SLC22A15: variants seen among roughly 807,000 people sequenced by gnomAD.
SLC22A15 encodes flipt 1.
Under a neutral mutation model 62.7 loss-of-function variants are expected in SLC22A15, and 45 were observed. The observed-to-expected ratio is 0.72, with a 90% CI of 0.56 to 0.92. The LOEUF (loss-of-function observed/expected upper bound fraction) is 0.92, where lower values mean the gene tolerates loss of function less well. SLC22A15 is among the 40% of genes least tolerant of loss of function. The pLI is 0.00. For missense variants in SLC22A15, 622 were observed against 665.6 expected (o/e 0.93, Z 0.72); for synonymous variants, 264 against 267.0 (o/e 0.99, Z 0.11).
chr1:116,004,357 G>C (rs1655874983), intron 2 of SLC22A15, among the ~76,000 whole-genome samples: 1 of 152,092 alleles, frequency 6.6e-6, no homozygotes, highest in Admixed American at 6.6e-5. Context: ...GTTCTAGTCG[G>C]CCATCTTGCT....
intron 1 of SLC22A15, 97 bp downstream of exon 1, chr1:115,976,811 G>A: frequency 1.0e-6 from 1 of 966,628 alleles, no homozygotes; most frequent in Non-Finnish European, 1.5e-6. Context: ...CGGGGCCGAG[G>A]CCGAGGCTCT....
At chr1:116,040,671 C>CA (rs1657754730) in intron 8 of SLC22A15, among the ~76,000 whole-genome samples, 1 of 152,178 alleles carries the variant, frequency 6.6e-6, no homozygotes, top group Non-Finnish European at 1.5e-5. Context: ...GGCTGGACTG[C>CA]AATGGTGTGG....
Position 116,035,210 on chromosome 1 carries a change from A to G in SLC22A15, c.968A>G (p.Tyr323Cys). The G allele has an allele frequency of 6.2e-7, 1 of 1,612,818 alleles. No homozygotes were observed. Among genetic ancestry groups the G allele is most frequent in the African/African-American group, 1.3e-5 (1 of 74,968 alleles). ...AGGTTTGTGTGCAGCTTGGTGTATT[A>G]TGGCCTAACTCTGAGTGCGGGTGAT... ...FIWFVCSLVY[Y>C]GLTLSAGDLG... Residue 323 changes from tyrosine to cysteine, a missense_variant, in exon 7 of 12, where the codon TAT (tyrosine) becomes TGT (cysteine). Physicochemically the swap from Tyr to Cys is radical, Grantham distance 194. Coordinates refer to ENST00000369503, the MANE Select transcript of SLC22A15 (RefSeq NM_018420.3).
At chr1:115,992,289 C>A in intron 2 of SLC22A15, 46 bp downstream of exon 2, 1 of 1,386,316 alleles carries the variant, frequency 7.2e-7, no homozygotes, top group Non-Finnish European at 1.0e-6. Flanking sequence ...CTCTCTTTGT[C>A]CACATAGAGC....
intron 8 of SLC22A15, among the ~76,000 whole-genome samples, chr1:116,045,098 C>G (rs1657894443): frequency 6.6e-6 from 1 of 152,102 alleles, no homozygotes; most frequent in Admixed American, 6.5e-5. Context: ...GGCTGGAGTG[C>G]AGTGGCGTGA....
chr1:116,066,587 G>A lies in SLC22A15; in HGVS notation c.1433G>A (p.Ser478Asn). 6.2e-7 allele frequency: 1 copy of A among 1,608,536 alleles called. No homozygotes were observed. Residue 478 changes from serine to asparagine, a missense_variant, in exon 11 of 12, where the codon AGT becomes AAT. By Grantham distance (46) the Ser-to-Asn change is conservative (BLOSUM62 1). Coordinates refer to ENST00000369503, the MANE Select transcript of SLC22A15 (RefSeq NM_018420.3). ...GATGLTSGLL[S>N]LLLPETLNSP... is the part of the protein sequence containing the mutation. ...ACGGGTCTGACCTCCGGCCTCCTGA[G>A]TTTGTTATTGCCGGAGACCCTTAAC...
chr1:116,000,043 GT>G (rs571873188), intron 2 of SLC22A15, among the ~76,000 whole-genome samples: 1 of 151,922 alleles, frequency 6.6e-6, no homozygotes, highest in South Asian at 2.1e-4. Context: ...TTGGGTCTTG[GT>G]TTTTTTATCC....
At chr1:116,036,823 TAAGA>T (rs1040112304) in intron 7 of SLC22A15, among the ~76,000 whole-genome samples, 1 of 152,188 alleles carries the variant, frequency 6.6e-6, no homozygotes, top group African/African-American at 2.4e-5. Context: ...TGTGTATTTT[TAAGA>T]GAGAGAGACT....
At chr1:116,063,386 A>T (rs2101573563) in intron 9 of SLC22A15, among the ~76,000 whole-genome samples, 1 of 152,340 alleles carries the variant, frequency 6.6e-6, no homozygotes, top group Middle Eastern at 3.4e-3. Context: ...GAAAAGAATA[A>T]ATATCCAGCC....
chr1:116,001,445 C>T (rs1655725089), intron 2 of SLC22A15, among the ~76,000 whole-genome samples: 1 of 152,112 alleles, frequency 6.6e-6, no homozygotes, highest in African/African-American at 2.4e-5. Context: ...TTCTCTTCTT[C>T]CTCTTTAAGG....
chr1:115,987,748 C>T (rs1013391168), intron 1 of SLC22A15, among the ~76,000 whole-genome samples: 1 of 152,108 alleles, frequency 6.6e-6, no homozygotes, highest in Non-Finnish European at 1.5e-5. Flanking sequence ...GATTCCTCCC[C>T]TCCCTTTATT....
intron 6 of SLC22A15, among the ~76,000 whole-genome samples, chr1:116,033,004 T>C (rs565266988): frequency 1.3e-5 from 2 of 152,244 alleles, no homozygotes; most frequent in Non-Finnish European, 2.9e-5. Context: ...CCAGGGAAAC[T>C]GTCCCTGTTC....
chr1:116,031,721 T>C, intron 6 of SLC22A15, 140 bp downstream of exon 6: 1 of 1,457,070 alleles, frequency 6.9e-7, no homozygotes, highest in Non-Finnish European at 9.0e-7. Flanking sequence ...GCAAGTCTCC[T>C]GATCCTTAGC....
intron 8 of SLC22A15, among the ~76,000 whole-genome samples, chr1:116,059,753 CA>C (rs1459028463): frequency 1.3e-5 from 2 of 152,138 alleles, no homozygotes; most frequent in African/African-American, 4.8e-5. Flanking sequence ...TGTAATCACA[CA>C]GTGAATGAGT....
intron 2 of SLC22A15, among the ~76,000 whole-genome samples, chr1:115,998,668 G>T (rs192149773): frequency 2.0e-5 from 3 of 151,588 alleles, no homozygotes; most frequent in South Asian, 2.1e-4. Flanking sequence ...ATTTATTTGG[G>T]TCTTCTCTCT....
At chr1:116,029,301 G>A (rs1374676136) in intron 5 of SLC22A15, among the ~76,000 whole-genome samples, 2 of 152,014 alleles carry the variant, frequency 1.3e-5, no homozygotes, top group African/African-American at 4.8e-5. Flanking sequence ...CTGAAAACCA[G>A]GGTCCCCTTA....
chr1:116,034,314 G>A (rs970526188), intron 6 of SLC22A15, among the ~76,000 whole-genome samples: 53 of 152,098 alleles, frequency 3.5e-4, no homozygotes, highest in Non-Finnish European at 4.0e-4. Context: ...TAATAATGCA[G>A]TTTCCTAGGC....
chr1:116,024,146 A>T (rs1656975954), intron 4 of SLC22A15, among the ~76,000 whole-genome samples: 2 of 152,212 alleles, frequency 1.3e-5, no homozygotes, highest in South Asian at 4.1e-4. Flanking sequence ...GTAGGCTGCT[A>T]TAGTTGGCCA....
chr1:115,997,435 A>G (rs1655485626), intron 2 of SLC22A15, among the ~76,000 whole-genome samples: 4 of 152,196 alleles, frequency 2.6e-5, no homozygotes, highest in Admixed American at 6.5e-5. Context: ...ATCCATTAAC[A>G]TGAAATATCT....
Sources: allele counts gnomAD v4.1 joint callset (sites outside exome capture counted in the v4.1 genomes callset), GRCh38; gene constraint gnomAD v4.1.1; transcripts MANE v1.5; gene names NCBI Gene and HGNC (gene_info 2026-07-23, HGNC 2026-07-21).